The following MAN2A1 variants were observed in gnomAD, a reference collection of about 807,000 sequenced individuals.
MAN2A1 encodes the protein mannosidase alpha class 2A member 1.
A neutral mutation model predicts 142.6 loss-of-function variants in MAN2A1; 76 were observed. That is an observed-to-expected ratio of 0.53 (90% CI 0.44 to 0.65). MAN2A1 has a LOEUF of 0.65. Ranked by LOEUF, MAN2A1 falls within the 30% of genes least tolerant of loss-of-function variation. MAN2A1 has a pLI of 0.00. For synonymous variants in MAN2A1, 559 were observed against 473.2 expected, an observed-to-expected ratio of 1.18 and a Z score of -2.35; for missense variants, 1,311 against 1,365.1, an observed-to-expected ratio of 0.96 and a Z score of 0.62.
At chr5:109,738,233 G>GTTT (rs70999941) in intron 4 of MAN2A1, among the ~76,000 whole-genome samples, 1 of 122,586 alleles carries the variant, frequency 8.2e-6, no homozygotes, top group Non-Finnish European at 1.7e-5. Flanking sequence ...GGTATTTTAT[G>GTTT]TTTTTTTTTT....
intron 4 of MAN2A1, among the ~76,000 whole-genome samples, chr5:109,732,464 T>G (rs1751943427): frequency 1.3e-5 from 2 of 152,188 alleles, no homozygotes; most frequent in African/African-American, 2.4e-5. Flanking sequence ...TGGTAATGCC[T>G]AGGTTTTCTT....
At chr5:109,764,880 A>G (rs1752948322) in intron 5 of MAN2A1, among the ~76,000 whole-genome samples, 4 of 152,132 alleles carry the variant, frequency 2.6e-5, no homozygotes, top group Non-Finnish European at 4.4e-5. Flanking sequence ...TTTTTAACTT[A>G]TAAGTGGCAT....
chr5:109,690,279 GGACT>G lies in MAN2A1; in HGVS notation c.-138_-135del. ...GGAGACTAGGTGCGGAGCAAGGCGG[GGACT>G]CGCACCCGCATCCGAGAGCGCGGAG... On this transcript the variant is annotated 5_prime_UTR_variant, in exon 1 of 22. Coordinates refer to ENST00000261483, the MANE Select transcript of MAN2A1 (RefSeq NM_002372.4). 1.2e-6 allele frequency: 1 copy of G among 818,098 alleles called. No homozygotes were observed. The highest frequency in any genetic ancestry group is 2.0e-6 in the Non-Finnish European group (1 of 495,886). 50.7% of individuals were successfully genotyped at this position (818,098 alleles called of 1,614,324 possible).
In MAN2A1 at chr5:109,770,507, C is replaced by T; in HGVS notation, c.1162C>T (p.Pro388Ser). 1 of 1,613,792 alleles carries T rather than the reference C, an allele frequency of 6.2e-7. No homozygotes were observed. The highest frequency in any genetic ancestry group is 1.3e-5 in the African/African-American group (1 of 74,994). ...GRFGCPWGVP[P>S]ETIHPGNVQS... The stretch of plus-strand genomic sequence containing the variant: ...ATTTGGTTGTCCCTGGGGAGTCCCC[C>T]CAGAAACAATACATCCTGGAAATGT... The change falls in exon 7 of 22, where the codon CCA becomes TCA. Residue 388 changes from proline to serine, a missense_variant. By Grantham distance (74) the Pro-to-Ser change is moderately conservative. Transcript: ENST00000261483.
intron 4 of MAN2A1, among the ~76,000 whole-genome samples, chr5:109,744,436 A>C (rs765787406): frequency 7.2e-5 from 11 of 152,112 alleles, no homozygotes; most frequent in Non-Finnish European, 1.3e-4. Context: ...GGGATTAACA[A>C]GGGCATGTTT....
chr5:109,782,626 T>G (rs1582892328), intron 9 of MAN2A1, among the ~76,000 whole-genome samples: 1 of 152,160 alleles, frequency 6.6e-6, no homozygotes, highest in East Asian at 1.9e-4. Flanking sequence ...TGGAAAGGCT[T>G]TTTATTAAAA....
At chr5:109,720,033 A>G (rs1751558415) in intron 3 of MAN2A1, among the ~76,000 whole-genome samples, 1 of 152,204 alleles carries the variant, frequency 6.6e-6, no homozygotes, top group East Asian at 1.9e-4. Flanking sequence ...TTCATGTTGT[A>G]TTTAATAAGC....
At chr5:109,849,146 C>T (rs1305506245) in intron 19 of MAN2A1, among the ~76,000 whole-genome samples, 1 of 152,170 alleles carries the variant, frequency 6.6e-6, no homozygotes, top group African/African-American at 2.4e-5. Flanking sequence ...TAGTTCTCTA[C>T]TCAGCCATTA....
chr5:109,714,368 A>G (rs1339796068), intron 2 of MAN2A1, among the ~76,000 whole-genome samples: 1 of 152,172 alleles, frequency 6.6e-6, no homozygotes, highest in African/African-American at 2.4e-5. Flanking sequence ...AGATATCTTA[A>G]TTCATTTATA....
intron 12 of MAN2A1, among the ~76,000 whole-genome samples, chr5:109,805,361 A>G (rs527910054): frequency 6.6e-6 from 1 of 152,308 alleles, no homozygotes; most frequent in South Asian, 2.1e-4. Context: ...AAGTCCACAT[A>G]TTTATTCTGC....
At chr5:109,831,143 G>C (rs1042154181) in intron 16 of MAN2A1, among the ~76,000 whole-genome samples, 18 of 152,198 alleles carry the variant, frequency 1.2e-4, no homozygotes, top group African/African-American at 4.1e-4. Flanking sequence ...ACAGGTTACT[G>C]CCAACCTGGC....
Position 109,790,849 on chromosome 5 carries a change from T to G in MAN2A1, c.1943+1322T>G, listed in dbSNP as rs974237128. 2.0e-5 allele frequency among the ~76,000 whole-genome samples: 3 copies of G among 152,066 alleles called. No individual in the cohort carries two copies. In the South Asian group the frequency reaches 6.2e-4, roughly 31 times the overall value. ...TGTGCCCCATCTCTGGGTGCTCTTA[T>G]GCTGGGTGCAGTGAGGCAGGGCTGG... On this transcript the variant is annotated intron_variant, in intron 12 of 21. Transcript: ENST00000261483.
At chr5:109,811,634 G>A (rs1364108741) in intron 12 of MAN2A1, among the ~76,000 whole-genome samples, 1 of 151,094 alleles carries the variant, frequency 6.6e-6, no homozygotes, top group Non-Finnish European at 1.5e-5. Context: ...GCATGCATAC[G>A]TATGCATCCC....
intron 12 of MAN2A1, among the ~76,000 whole-genome samples, chr5:109,791,549 G>A (rs191725977): frequency 1.3e-5 from 2 of 151,862 alleles, no homozygotes; most frequent in East Asian, 1.9e-4. Flanking sequence ...TGTTGTAAGG[G>A]TTGGCTTTTT....
intron 21 of MAN2A1, among the ~76,000 whole-genome samples, chr5:109,866,110 C>T (rs1755874729): frequency 6.6e-6 from 1 of 152,152 alleles, no homozygotes; most frequent in African/African-American, 2.4e-5. Flanking sequence ...TTTTACCCTA[C>T]CCTGCTTGGA....
At chr5:109,839,649 C>CTT (rs34820879) in intron 16 of MAN2A1, among the ~76,000 whole-genome samples, 1 of 109,828 alleles carries the variant, frequency 9.1e-6, no homozygotes. Flanking sequence ...CTGTCTCTCT[C>CTT]TTTTTTTTTT....
intron 8 of MAN2A1, among the ~76,000 whole-genome samples, chr5:109,776,181 A>C (rs1405300175): frequency 6.6e-6 from 1 of 152,036 alleles, no homozygotes; most frequent in African/African-American, 2.4e-5. Flanking sequence ...ACATCTGTGA[A>C]AATACTATAG....
At chr5:109,721,921 A>G (rs1417642294) in intron 3 of MAN2A1, among the ~76,000 whole-genome samples, 2 of 152,198 alleles carry the variant, frequency 1.3e-5, no homozygotes, top group Admixed American at 6.5e-5. Context: ...GGCATTTTAC[A>G]TATATCACAT....
chr5:109,792,009 G>A (rs556359915), intron 12 of MAN2A1, among the ~76,000 whole-genome samples: 1 of 152,188 alleles, frequency 6.6e-6, no homozygotes, highest in African/African-American at 2.4e-5. Context: ...AGTTATGTGA[G>A]CTATATCATG....
Sources: gnomAD v4.1 joint callset for allele counts (sites outside exome capture counted in the v4.1 genomes callset) on GRCh38, gnomAD v4.1.1 for gene constraint, MANE v1.5 for transcripts, NCBI Gene and HGNC (gene_info 2026-07-23, HGNC 2026-07-21) for gene names.